Variants in HADH observed in about 807,000 individuals in gnomAD.
HADH encodes the protein hydroxyacyl-coenzyme A dehydrogenase, mitochondrial.
In HADH, 24 loss-of-function variants were observed where a neutral mutation model predicts 32.2. The observed-to-expected ratio is 0.75, with a 90% CI of 0.54 to 1.05. The LOEUF is 1.05. HADH is among the 50% of genes least tolerant of loss of function. HADH has a pLI of 0.00. For missense variants in HADH, 350 were observed against 397.1 expected (o/e 0.88, Z 1.01); for synonymous variants, 139 against 152.5 (o/e 0.91, Z 0.65).
rs150930917 is a variant in HADH, at chr4:108,009,863, G to A, written c.237G>A (p.Lys79=). 37 of 1,611,384 alleles carry A rather than the reference G, an allele frequency of 2.3e-5. 1 individual carries two copies. In the African/African-American group the frequency reaches 4.5e-4, roughly 20 times the overall value. Residue 79 remains lysine, a synonymous_variant, in exon 2 of 8, where the codon AAG becomes AAA. Transcript: ENST00000309522. ...AGGAAAGCCTTAGGAAAGTGGCAAAGAAGAAGTTTGCAGAAAACCTTAAGG... is the reference window on the plus strand; with the variant it reads ...AGGAAAGCCTTAGGAAAGTGGCAAAAAAGAAGTTTGCAGAAAACCTTAAGG... ...GIEESLRKVA[K]KKFAENLKAG...
chr4:108,004,757 A>G (rs985124903), intron 1 of HADH: 20 of 1,535,456 alleles, frequency 1.3e-5, no homozygotes, highest in Non-Finnish European at 1.7e-5. Context: ...TAAGGTCAAA[A>G]GAAGCAGCTG....
chr4:108,029,515 C>T (rs940892610), intron 6 of HADH: 1 of 152,534 alleles, frequency 6.6e-6, no homozygotes, highest in African/African-American at 2.4e-5. Context: ...CATCTGCCCA[C>T]ACACCCCCTG....
chr4:107,991,168 A>T (rs76884684), intron 1 of HADH, among the ~76,000 whole-genome samples: 25,245 of 150,516 alleles, frequency 0.17, 2,573 homozygotes, highest in African/African-American at 0.3. Flanking sequence ...TTTTTTTTTA[A>T]AAATTATTCC....
At chr4:108,034,212 C>T in intron 7 of HADH, 27 bp from the exon 8 acceptor site, 2 of 1,396,710 alleles carry the variant, frequency 1.4e-6, no homozygotes, top group Non-Finnish European at 2.0e-6. Flanking sequence ...GCACTTCATC[C>T]TGAGTTCTCT....
rs61735992 is a variant in HADH, at chr4:108,014,444, T to G, written c.275T>G (p.Phe92Cys). The change falls in exon 3 of 8, where the codon TTT becomes TGT. Residue 92 changes from phenylalanine (F) to cysteine (C), a missense_variant. Phe to Cys is a radical substitution (Grantham distance 205). Transcript: ENST00000309522. Reference protein sequence around the residue: ...FAENLKAGDEFVEKTLSTIAT... With the variant: ...FAENLKAGDECVEKTLSTIAT... Reference sequence around the variant, plus strand: ...CCACTGCATTAGGCCGGCGATGAATTTGTGGAGAAGACCCTGAGCACCATA... The same window carrying G: ...CCACTGCATTAGGCCGGCGATGAATGTGTGGAGAAGACCCTGAGCACCATA... 6.5e-3 allele frequency: 10,482 copies of G among 1,614,044 alleles called. 62 individuals are homozygous for G. Among genetic ancestry groups the G allele is most frequent in the Non-Finnish European group, 7.4e-3 (8,711 of 1,179,980 alleles).
At chr4:108,006,546 G>A (rs1357534113) in intron 1 of HADH, among the ~76,000 whole-genome samples, 1 of 152,188 alleles carries the variant, frequency 6.6e-6, no homozygotes, top group Non-Finnish European at 1.5e-5. Flanking sequence ...CTGAAACCTT[G>A]GTGAGCATCA....
intron 1 of HADH, among the ~76,000 whole-genome samples, chr4:107,998,692 C>T (rs544567377): frequency 8.0e-4 from 122 of 152,128 alleles, no homozygotes; most frequent in African/African-American, 2.7e-3. Flanking sequence ...TTAAGACTGT[C>T]ATGCATGAGG....
intron 1 of HADH, among the ~76,000 whole-genome samples, chr4:108,008,987 T>C (rs972010395): frequency 6.6e-6 from 1 of 152,162 alleles, no homozygotes; most frequent in African/African-American, 2.4e-5. Context: ...TGTGTGAGCT[T>C]GGGCAGTTTC....
chr4:107,997,014 C>A (rs1734976942), intron 1 of HADH, among the ~76,000 whole-genome samples: 1 of 152,078 alleles, frequency 6.6e-6, no homozygotes, highest in South Asian at 2.1e-4. Flanking sequence ...TGGCAGAGTT[C>A]AAGACATTAC....
chr4:108,032,401 T>C, intron 6 of HADH: 1 of 1,502,270 alleles, frequency 6.7e-7, no homozygotes, highest in Non-Finnish European at 9.2e-7. Context: ...AAGGTTTGTG[T>C]GAAATGTGAT....
intron 3 of HADH, among the ~76,000 whole-genome samples, chr4:108,017,489 C>T (rs1329080005): frequency 1.3e-5 from 2 of 151,352 alleles, no homozygotes; most frequent in Admixed American, 1.3e-4. Flanking sequence ...TTTTTGGTAC[C>T]TGAGTGTCCG....
chr4:108,033,162 C>T lies in HADH; in HGVS notation c.710-14C>T, dbSNP rs185267497. 2.0e-5 allele frequency: 27 copies of T among 1,365,830 alleles called. No homozygotes were observed. The East Asian group carries it at 3.7e-4, about 19-fold the overall frequency. The allele number at this position is 1,365,830 out of a possible 1,614,324, so 84.6% of individuals were successfully genotyped here. ...AAAGGTGGTGGTGACCCAGTGCTGC[C>T]GTTTTCTCCTTAGGTGACGCATCCA... On this transcript the variant is annotated splice_polypyrimidine_tract_variant and intron_variant, in intron 6 of 7. Transcript: ENST00000309522.
chr4:108,024,640 A>T (rs770850859), intron 5 of HADH: 1 of 152,198 alleles, frequency 6.6e-6, no homozygotes, highest in Non-Finnish European at 1.5e-5. Flanking sequence ...GTTTTAAGTC[A>T]TCTAGATTTC....
intron 5 of HADH, chr4:108,024,639 C>T (rs1735998746): frequency 6.6e-6 from 1 of 152,110 alleles, no homozygotes; most frequent in Admixed American, 6.5e-5. Flanking sequence ...AGTTTTAAGT[C>T]ATCTAGATTT....
chr4:108,001,473 T>C (rs1301674973), intron 1 of HADH, among the ~76,000 whole-genome samples: 1 of 152,222 alleles, frequency 6.6e-6, no homozygotes, highest in Non-Finnish European at 1.5e-5. Context: ...GAAACTTTTA[T>C]TGGCAATGTA....
intron 6 of HADH, chr4:108,029,916 T>G (rs1196772136): frequency 6.6e-6 from 1 of 152,226 alleles, no homozygotes; most frequent in Non-Finnish European, 1.5e-5. Context: ...CTCCTGTGAG[T>G]CAGAGGGACA....
intron 1 of HADH, among the ~76,000 whole-genome samples, chr4:107,997,803 T>C (rs1011063041): frequency 6.6e-6 from 1 of 152,156 alleles, no homozygotes; most frequent in Non-Finnish European, 1.5e-5. Flanking sequence ...GTTGTAAAAA[T>C]AACAGATGTC....
intron 4 of HADH, among the ~76,000 whole-genome samples, chr4:108,022,522 G>A (rs901526856): frequency 2.7e-4 from 41 of 152,198 alleles, no homozygotes; most frequent in Admixed American, 9.2e-4. Flanking sequence ...AAGCCAAGGG[G>A]CCGCTGGCCT....
At chr4:108,032,383 T>C in intron 6 of HADH, 1 of 1,588,098 alleles carries the variant, frequency 6.3e-7, no homozygotes, top group Non-Finnish European at 8.6e-7. Flanking sequence ...AAAAGGTATC[T>C]TGACTAAAAG....
Sources: allele counts gnomAD v4.1 joint callset (sites outside exome capture counted in the v4.1 genomes callset), GRCh38; gene constraint gnomAD v4.1.1; transcripts MANE v1.5; gene names NCBI Gene and HGNC (gene_info 2026-07-23, HGNC 2026-07-21).